Variants in PRDM5 observed in about 807,000 individuals in gnomAD.
PRDM5 encodes PR domain zinc finger protein 5.
In PRDM5, 56 loss-of-function variants were observed where a neutral mutation model predicts 81.2. The observed-to-expected ratio is 0.69, with a 90% CI of 0.56 to 0.86. The LOEUF (loss-of-function observed/expected upper bound fraction) is 0.86, where lower values mean the gene tolerates loss of function less well. PRDM5 is among the 40% of genes least tolerant of loss of function. The probability of loss-of-function intolerance (pLI) is 0.00; values close to 1 mark genes in which losing one functional copy is unlikely to be tolerated. For synonymous variants in PRDM5, 267 were observed against 256.4 expected, an observed-to-expected ratio of 1.04 and a Z score of -0.39; for missense variants, 697 against 770.1, an observed-to-expected ratio of 0.91 and a Z score of 1.12.
At chr4:120,739,003 T>C (rs560988662) in intron 14 of PRDM5, among the ~76,000 whole-genome samples, 1 of 152,314 alleles carries the variant, frequency 6.6e-6, no homozygotes, top group South Asian at 2.1e-4. Context: ...GCAGTTGCAG[T>C]CAGTTGGCTG....
At chr4:120,838,982 G>A (rs1757683255) in intron 3 of PRDM5, 2 of 537,056 alleles carry the variant, frequency 3.7e-6, no homozygotes, top group East Asian at 2.9e-5. Flanking sequence ...GCCAGCACAG[G>A]TGCCAGCTCT....
chr4:120,798,535 T>C, intron 9 of PRDM5, 111 bp from the exon 10 acceptor site: 1 of 950,100 alleles, frequency 1.1e-6, no homozygotes, highest in Non-Finnish European at 1.6e-6. Flanking sequence ...TAAAGGATGG[T>C]CAAACAACTA....
chr4:120,848,720 A>G (rs1199575857), intron 3 of PRDM5, among the ~76,000 whole-genome samples: 2 of 152,172 alleles, frequency 1.3e-5, no homozygotes, highest in African/African-American at 4.8e-5. Flanking sequence ...TGCCCTGTCA[A>G]TAAGCTACAA....
intron 14 of PRDM5, among the ~76,000 whole-genome samples, chr4:120,744,587 G>A (rs1423767681): frequency 6.6e-6 from 1 of 152,152 alleles, no homozygotes. Flanking sequence ...AAGAAAAAAT[G>A]ATAAAGGGGA....
chr4:120,736,452 G>A (rs1561025820), intron 14 of PRDM5, among the ~76,000 whole-genome samples: 3 of 152,082 alleles, frequency 2.0e-5, no homozygotes, highest in Non-Finnish European at 2.9e-5. Flanking sequence ...AGTAACCAGC[G>A]AGAGACAAAG....
intron 15 of PRDM5, among the ~76,000 whole-genome samples, chr4:120,708,321 A>T (rs1456030772): frequency 6.6e-6 from 1 of 152,102 alleles, no homozygotes; most frequent in East Asian, 1.9e-4. Flanking sequence ...AAAAGGAATG[A>T]CCTACTGATA....
intron 13 of PRDM5, among the ~76,000 whole-genome samples, chr4:120,761,305 C>T (rs1745572136): frequency 6.6e-6 from 1 of 152,094 alleles, no homozygotes; most frequent in African/African-American, 2.4e-5. Context: ...TGACTTGAGC[C>T]CAGCCTGGCC....
chr4:120,818,534 A>G lies in PRDM5; in HGVS notation c.476-7T>C. The G allele has an allele frequency of 1.2e-6, 2 of 1,610,522 alleles. No homozygotes were observed. The highest frequency in any genetic ancestry group is 1.7e-6 in the Non-Finnish European group (2 of 1,176,784). ...TCTTTACAGCCAAGGCGATCTGCAC[A>G]TTCACAAGGAAACATATTCATGAGA... On this transcript the variant is annotated splice_polypyrimidine_tract_variant and splice_region_variant and intron_variant, in intron 4 of 15. Transcript: ENST00000264808.
chr4:120,837,225 C>T (rs1757464417), intron 3 of PRDM5: 1 of 152,230 alleles, frequency 6.6e-6, no homozygotes, highest in Non-Finnish European at 1.5e-5. Flanking sequence ...GAGGTGCCTG[C>T]TGATGCAAAA....
At chr4:120,731,341 G>A (rs1399782248) in intron 14 of PRDM5, among the ~76,000 whole-genome samples, 1 of 151,370 alleles carries the variant, frequency 6.6e-6, no homozygotes, top group South Asian at 2.1e-4. Flanking sequence ...TGATGGAGGA[G>A]GCAATTTCAA....
At position 120,859,458 on chromosome 4, in the gene PRDM5, C is replaced by G. The variant is rs540739611; in HGVS notation, c.178-5918G>C. ...CAGGCTGGTCTCGAATTCTTGGGCT[C>G]AAACAATCCTCCTGCCTTGACCTCC... is the stretch of plus-strand genomic sequence containing the variant. On this transcript the variant is annotated intron_variant, in intron 2 of 15. Coordinates refer to ENST00000264808, the MANE Select transcript of PRDM5 (RefSeq NM_018699.4). Among the ~76,000 whole-genome samples, 5 of 152,208 alleles carry G rather than the reference C, an allele frequency of 3.3e-5. No individual in the cohort carries two copies. The East Asian group carries it at 9.6e-4, about 29-fold the overall frequency.
At chr4:120,878,069 A>G (rs1296719019) in intron 2 of PRDM5, among the ~76,000 whole-genome samples, 1 of 152,246 alleles carries the variant, frequency 6.6e-6, no homozygotes, top group East Asian at 1.9e-4. Context: ...GTAACTAAAC[A>G]TTCAGAGAGA....
intron 8 of PRDM5, among the ~76,000 whole-genome samples, chr4:120,805,214 C>T (rs1215282120): frequency 2.6e-5 from 4 of 152,070 alleles, no homozygotes; most frequent in East Asian, 1.9e-4. Flanking sequence ...AATTAATAGC[C>T]TACCAACCAA....
intron 14 of PRDM5, among the ~76,000 whole-genome samples, chr4:120,720,352 C>G (rs1012286316): frequency 5.3e-5 from 8 of 152,226 alleles, no homozygotes; most frequent in African/African-American, 1.9e-4. Flanking sequence ...CTCCACTTTT[C>G]TAGGAGTCAG....
chr4:120,774,456 G>A (rs1444579153), intron 13 of PRDM5, among the ~76,000 whole-genome samples: 2 of 152,180 alleles, frequency 1.3e-5, no homozygotes, highest in African/African-American at 4.8e-5. Context: ...TCGGAGCTCC[G>A]CTATCATACT....
intron 2 of PRDM5, among the ~76,000 whole-genome samples, chr4:120,865,193 G>A (rs1399421712): frequency 6.6e-6 from 1 of 152,212 alleles, no homozygotes; most frequent in African/African-American, 2.4e-5. Flanking sequence ...GACACTCCAA[G>A]TGGGGAGAAA....
intron 2 of PRDM5, among the ~76,000 whole-genome samples, chr4:120,899,297 GT>G (rs934819803): frequency 6.6e-6 from 1 of 152,106 alleles, no homozygotes; most frequent in African/African-American, 2.4e-5. Context: ...CTGGAGACCT[GT>G]CTCTCTCCAG....
chr4:120,885,029 A>G (rs1223776163), intron 2 of PRDM5, among the ~76,000 whole-genome samples: 1 of 148,142 alleles, frequency 6.8e-6, no homozygotes, highest in African/African-American at 2.5e-5. Context: ...GGGCTACTCG[A>G]GAGGCTGAGG....
At chr4:120,701,047 C>G (rs749381666) in intron 15 of PRDM5, among the ~76,000 whole-genome samples, 1 of 151,934 alleles carries the variant, frequency 6.6e-6, no homozygotes, top group Admixed American at 6.6e-5. Context: ...ATTGCTTGAA[C>G]CTGGGAGGCG....
Sources: gnomAD v4.1 joint callset for allele counts (sites outside exome capture counted in the v4.1 genomes callset) on GRCh38, gnomAD v4.1.1 for gene constraint, MANE v1.5 for transcripts, NCBI Gene and HGNC (gene_info 2026-07-23, HGNC 2026-07-21) for gene names.